Variants in BLVRB observed in about 807,000 individuals in gnomAD.
The protein encoded by BLVRB is flavin reductase (NADPH).
In BLVRB, 25 loss-of-function variants were observed where a neutral mutation model predicts 21.1. The ratio of observed to expected loss-of-function variants is 1.19; its 90% CI spans 0.86 to 1.66. The LOEUF (loss-of-function observed/expected upper bound fraction) is 1.66, where lower values mean the gene tolerates loss of function less well. BLVRB is among the 40% of genes most tolerant of loss of function. The pLI is 0.00. For synonymous variants in BLVRB, 128 were observed against 122.2 expected (o/e 1.05, Z -0.31); for missense variants, 274 against 282.7 (o/e 0.97, Z 0.22).
At chr19:40,458,286 CGGCGGCAGG>C (rs1324084533) in intron 2 of BLVRB, 42 bp from the exon 3 acceptor site, 3 of 877,174 alleles carry the variant, frequency 3.4e-6, no homozygotes, top group Non-Finnish European at 4.9e-6. Context: ...TGGGCGGCGG[CGGCGGCAGG>C]GGTGGCAGGG....
intron 1 of BLVRB, among the ~76,000 whole-genome samples, chr19:40,462,823 C>T (rs1187560427): frequency 5.4e-5 from 7 of 130,810 alleles, no homozygotes; most frequent in African/African-American, 1.2e-4. Context: ...ACTCGGGAGG[C>T]GGAGCTTGCA....
chr19:40,453,384 C>T (rs1367070479), intron 3 of BLVRB, among the ~76,000 whole-genome samples: 4 of 152,258 alleles, frequency 2.6e-5, no homozygotes, highest in African/African-American at 9.6e-5. Flanking sequence ...AGGACCCTTC[C>T]CCTGCCACCA....
chr19:40,450,421 G>T (rs2079734363), intron 4 of BLVRB: 1 of 146,970 alleles, frequency 6.8e-6, no homozygotes, highest in African/African-American at 2.5e-5. Flanking sequence ...AGGAGAATGG[G>T]GTTTCACCAT....
At chr19:40,460,900 A>G (rs914568280) in intron 1 of BLVRB, among the ~76,000 whole-genome samples, 1 of 152,028 alleles carries the variant, frequency 6.6e-6, no homozygotes, top group African/African-American at 2.4e-5. Flanking sequence ...TGAACCCAGG[A>G]GGTAGAGATT....
In BLVRB at chr19:40,455,122, C is replaced by T. The variant is rs944262556; in HGVS notation, c.334+3033G>A. Reference sequence around the variant, plus strand: ...TTGGCCTCTCAAAGTGCTAGGATTACAGGCGTGAGCCACTGTGCCTGGCCT... The same window carrying T: ...TTGGCCTCTCAAAGTGCTAGGATTATAGGCGTGAGCCACTGTGCCTGGCCT... On this transcript the variant is annotated intron_variant, in intron 3 of 4. Coordinates refer to ENST00000263368, the MANE Select transcript of BLVRB (RefSeq NM_000713.3). Among the ~76,000 whole-genome samples, 5 of 152,292 alleles carry T rather than the reference C, an allele frequency of 3.3e-5. No homozygotes were observed. In the East Asian group the frequency reaches 7.7e-4, roughly 24 times the overall value.
Position 40,465,624 on chromosome 19 carries a change from T to A in BLVRB, c.65A>T (p.Gln22Leu), listed in dbSNP as rs148777635. 8.7e-6 allele frequency: 14 copies of A among 1,612,294 alleles called. No individual in the cohort carries two copies. The highest frequency in any genetic ancestry group is 1.1e-5 in the Non-Finnish European group (13 of 1,179,754). Residue 22 changes from glutamine (Q) to leucine (L), a missense_variant, in exon 1 of 5, where the codon CAG becomes CTG. Transcript: ENST00000263368. ...TGQTGLTTLA[Q>L]AVQAGYEVTV... ...CCGGCTCATGCCTGCTTGCACCGCC[T>A]GCGCCAGGGTGGTGAGCCCGGTCTG...
At chr19:40,458,042 T>C (rs2079769127) in intron 3 of BLVRB, 113 bp downstream of exon 3, 1 of 1,037,176 alleles carries the variant, frequency 9.6e-7, no homozygotes, top group East Asian at 2.6e-5. Context: ...ACAGCTGGTG[T>C]TCAGTAAATG....
chr19:40,453,584 A>G (rs377298890), intron 3 of BLVRB, among the ~76,000 whole-genome samples: 39 of 152,334 alleles, frequency 2.6e-4, no homozygotes, highest in African/African-American at 8.7e-4. Flanking sequence ...TATGCTAAAT[A>G]TTTTTAGGAG....
At chr19:40,451,136 T>C (rs564234594) in intron 4 of BLVRB, among the ~76,000 whole-genome samples, 5 of 152,282 alleles carry the variant, frequency 3.3e-5, no homozygotes, top group Admixed American at 3.3e-4. Context: ...GGCTGCCAGC[T>C]CTCAGTGAAC....
Position 40,447,878 on chromosome 19 carries a change from G to A in BLVRB, c.*11C>T. 6.2e-7 allele frequency: 1 copy of A among 1,607,728 alleles called. No homozygotes were observed. The highest frequency in any genetic ancestry group is 8.5e-7 in the Non-Finnish European group (1 of 1,174,866). Reference sequence around the variant, plus strand: ...TCCCAGAATGCCACCCTCCCAGATGGGGACAGAGTGCTACTGGTACTGGTG... The same window carrying A: ...TCCCAGAATGCCACCCTCCCAGATGAGGACAGAGTGCTACTGGTACTGGTG... On this transcript the variant is annotated 3_prime_UTR_variant, in exon 5 of 5. Transcript: ENST00000263368.
intron 3 of BLVRB, among the ~76,000 whole-genome samples, chr19:40,452,540 G>T (rs1402036674): frequency 6.6e-6 from 1 of 151,690 alleles, no homozygotes; most frequent in Non-Finnish European, 1.5e-5. Flanking sequence ...CAGTGCAATG[G>T]CATGATACCG....
rs1290087407 is a variant in BLVRB at position 40,458,465 on chromosome 19, C to G, written c.160G>C (p.Asp54His). 2 of 1,605,076 alleles carry G rather than the reference C, an allele frequency of 1.2e-6. No individual in the cohort carries two copies. The highest frequency in any genetic ancestry group is 1.7e-6 in the Non-Finnish European group (2 of 1,176,488). Residue 54 changes from aspartate (D) to histidine (H), a missense_variant, in exon 2 of 5, where the codon GAT becomes CAT. Asp to His is a moderately conservative substitution (Grantham distance 81). Coordinates refer to ENST00000263368, the MANE Select transcript of BLVRB (RefSeq NM_000713.3). ...TCCACATCGGCTGCCTGCAGAACAT[C>G]TCCCACTACCACGTGGGCCGGCCGG... ...GPRPAHVVVG[D>H]VLQAADVDKT...
intron 4 of BLVRB, 109 bp downstream of exon 4, chr19:40,451,254 AG>A (rs2079738333): frequency 6.8e-7 from 1 of 1,472,240 alleles, no homozygotes; most frequent in South Asian, 1.3e-5. Context: ...ACAATATCAT[AG>A]GAAGGTTTGC....
Position 40,447,816 on chromosome 19 carries a change from G to T in BLVRB, c.*73C>A. The T allele has an allele frequency of 6.5e-7, 1 of 1,534,006 alleles. No individual in the cohort carries two copies. The highest frequency in any genetic ancestry group is 8.9e-7 in the Non-Finnish European group (1 of 1,121,728). ...TCTCTAGAGTAATTTGAAGCTCTTG[G>T]CTCAACATTTATTGCCCCCTTCCTT... On this transcript the variant is annotated 3_prime_UTR_variant, in exon 5 of 5. Transcript: ENST00000263368.
intron 1 of BLVRB, among the ~76,000 whole-genome samples, chr19:40,460,997 AAAC>A (rs140334586): frequency 0.14 from 21,246 of 151,770 alleles, 1,524 homozygotes; most frequent in African/African-American, 0.16. Flanking sequence ...AAAACAAAAC[AAAC>A]AACAACAACA....
intron 4 of BLVRB, among the ~76,000 whole-genome samples, chr19:40,448,619 ATATATAT>A (rs2079725350): frequency 9.2e-5 from 5 of 54,616 alleles, no homozygotes; most frequent in Admixed American, 4.5e-4. Flanking sequence ...ATATATATAT[ATATATAT>A]ATATATATAT....
intron 3 of BLVRB, 47 bp from the exon 4 acceptor site, chr19:40,451,539 T>C (rs1233123418): frequency 4.4e-6 from 6 of 1,368,468 alleles, no homozygotes; most frequent in Non-Finnish European, 5.8e-6. Context: ...CTTGTCTTTT[T>C]TTTTTTTTTT....
intron 1 of BLVRB, among the ~76,000 whole-genome samples, chr19:40,460,611 A>ATAAATTAAATTAAAT (rs142941792): frequency 6.0e-5 from 9 of 149,470 alleles, no homozygotes; most frequent in Non-Finnish European, 1.3e-4. Flanking sequence ...AAATAAATAA[A>ATAAATTAAATTAAAT]TAAATTAAAT....
At chr19:40,455,635 T>C (rs1352794087) in intron 3 of BLVRB, among the ~76,000 whole-genome samples, 1 of 152,190 alleles carries the variant, frequency 6.6e-6, no homozygotes, top group Non-Finnish European at 1.5e-5. Context: ...GAGGTGGATG[T>C]TGCAGTGAGC....
Sources: gnomAD v4.1 joint callset for allele counts (sites outside exome capture counted in the v4.1 genomes callset) on GRCh38, gnomAD v4.1.1 for gene constraint, MANE v1.5 for transcripts, NCBI Gene and HGNC (gene_info 2026-07-23, HGNC 2026-07-21) for gene names.